Variants in GRM4 observed in about 807,000 individuals in gnomAD.
GRM4 encodes glutamate metabotropic receptor 4, also known as metabotropic glutamate receptor 4.
In GRM4, 28 loss-of-function variants were observed where a neutral mutation model predicts 81.7. The ratio of observed to expected loss-of-function variants is 0.34; its 90% CI spans 0.25 to 0.47. The LOEUF is 0.47. Among genes scored for constraint, GRM4 ranks in the 20% least tolerant of loss-of-function variants. The pLI, the probability that GRM4 is intolerant of heterozygous loss-of-function variation, is 1.00. For missense variants in GRM4, 948 were observed against 1,290.0 expected, an observed-to-expected ratio of 0.73 and a Z score of 4.06; for synonymous variants, 488 against 528.8, an observed-to-expected ratio of 0.92 and a Z score of 1.06.
intron 2 of GRM4, chr6:34,103,654 G>A (rs1174597055): frequency 1.3e-6 from 2 of 1,533,530 alleles, no homozygotes; most frequent in Non-Finnish European, 1.7e-6. Flanking sequence ...AGGAGCCCAG[G>A]CAGGCAGGGC....
At chr6:34,101,255 T>TG (rs978110632) in intron 2 of GRM4, among the ~76,000 whole-genome samples, 37 of 152,326 alleles carry the variant, frequency 2.4e-4, no homozygotes, top group Admixed American at 1.6e-3. Context: ...AGTAGCTTCA[T>TG]GCACCTTAAC....
chr6:34,055,577 G>A (rs1043659794), intron 6 of GRM4: 1 of 152,208 alleles, frequency 6.6e-6, no homozygotes, highest in Non-Finnish European at 1.5e-5. Context: ...CATCATCCTC[G>A]ATTAGGCACC....
chr6:34,044,275 CAT>C (rs1562020729), intron 6 of GRM4, among the ~76,000 whole-genome samples: 1 of 151,022 alleles, frequency 6.6e-6, no homozygotes. Context: ...CACATATACA[CAT>C]ACACACACAC....
rs531670289 is a variant in GRM4, at chr6:34,090,402, G to A, written c.736+1481C>T. ...TGGGAGGTGCTGTCCAGAGGTAGGT[G>A]CCCAGGTCTTGGGTCTGAGCAAAGG... On this transcript the variant is annotated intron_variant, in intron 3 of 10. Transcript: ENST00000538487. The surrounding 1 kb of genome is among the most constrained non-coding windows in gnomAD (Gnocchi z 5.2). Among the ~76,000 whole-genome samples, 2 of 152,296 alleles carry A rather than the reference G, an allele frequency of 1.3e-5. No homozygotes were observed. The highest frequency in any genetic ancestry group is 2.4e-5 in the African/African-American group (1 of 41,572).
chr6:34,120,444 T>C (rs888884105), intron 2 of GRM4, among the ~76,000 whole-genome samples: 1 of 152,176 alleles, frequency 6.6e-6, no homozygotes, highest in Admixed American at 6.5e-5. Context: ...ACTTTCCTAA[T>C]TGATTTTGTG....
chr6:34,093,622 C>A (rs1480093511), intron 2 of GRM4, among the ~76,000 whole-genome samples: 1 of 152,096 alleles, frequency 6.6e-6, no homozygotes, highest in African/African-American at 2.4e-5. Flanking sequence ...GTGGCTGGAG[C>A]AGAGCAGGAT....
chr6:34,084,769 C>T (rs1767800524), intron 3 of GRM4, among the ~76,000 whole-genome samples: 1 of 152,226 alleles, frequency 6.6e-6, no homozygotes, highest in South Asian at 2.1e-4. Flanking sequence ...TTCACACCTC[C>T]AGGCTTTTGT....
chr6:34,064,083 G>C lies in GRM4; in HGVS notation c.737-2055C>G, dbSNP rs993391191. ...CGTTTTGCTGGTGAAGGAAGGATTAGGTGACCACGGCTCAGTCAGCGGGAG... is the reference window on the plus strand; with the variant it reads ...CGTTTTGCTGGTGAAGGAAGGATTACGTGACCACGGCTCAGTCAGCGGGAG... On this transcript the variant is annotated intron_variant, in intron 3 of 10. Transcript: ENST00000538487. The surrounding 1 kb of genome is among the most constrained non-coding windows in gnomAD (Gnocchi z 4.4). Among the ~76,000 whole-genome samples, 2 of 152,176 alleles carry C rather than the reference G, an allele frequency of 1.3e-5. No individual in the cohort carries two copies. Among genetic ancestry groups the C allele is most frequent in the African/African-American group, 4.8e-5 (2 of 41,434 alleles).
intron 1 of GRM4, among the ~76,000 whole-genome samples, chr6:34,143,174 A>C (rs969552476): frequency 5.3e-5 from 8 of 152,096 alleles, no homozygotes; most frequent in Non-Finnish European, 1.0e-4. Context: ...AGGTAGGCAA[A>C]AGCTTATGTG....
chr6:34,029,498 C>T (rs573730219), intron 9 of GRM4, among the ~76,000 whole-genome samples: 8 of 152,318 alleles, frequency 5.3e-5, no homozygotes, highest in African/African-American at 1.7e-4. Context: ...GTCCCTTGCA[C>T]GCCGCTCCAT....
chr6:34,068,097 G>T lies in GRM4; in HGVS notation c.737-6069C>A, dbSNP rs767212146. Among the ~76,000 whole-genome samples the T allele has an allele frequency of 1.3e-5, 2 of 152,212 alleles. No homozygotes were observed. The highest frequency in any genetic ancestry group is 2.9e-5 in the Non-Finnish European group (2 of 68,044). On this transcript the variant is annotated intron_variant, in intron 3 of 10. Transcript: ENST00000538487. The surrounding 1 kb of genome is among the most constrained non-coding windows in gnomAD (Gnocchi z 4.2). Reference sequence around the variant, plus strand: ...CTGCGTCCCAGGGTGGGAAGGAACCGTAAACATCCTGGAATCGGTGCAGAG... The same window carrying T: ...CTGCGTCCCAGGGTGGGAAGGAACCTTAAACATCCTGGAATCGGTGCAGAG...
rs190834739 is a variant in GRM4, at chr6:34,104,396, C to T, written c.520-12297G>A. Reference sequence around the variant, plus strand: ...AACAGGACTGGTGGCTGTTGGCTAACGAGCACCTACTCTGTGCCAAGCACT... The same window carrying T: ...AACAGGACTGGTGGCTGTTGGCTAATGAGCACCTACTCTGTGCCAAGCACT... On this transcript the variant is annotated intron_variant, in intron 2 of 10. Coordinates refer to ENST00000538487, the MANE Select transcript of GRM4 (RefSeq NM_000841.4). Among the ~76,000 whole-genome samples the T allele has an allele frequency of 1.5e-4, 23 of 152,338 alleles. No homozygotes were observed. The East Asian group carries it at 1.9e-3, about 13-fold the overall frequency.
chr6:34,155,360 A>T (rs753171471), exon 1 of GRM4: 26 of 1,511,002 alleles, frequency 1.7e-5, no homozygotes, highest in Non-Finnish European at 2.2e-5. Context: ...CAGCCGCAGG[A>T]AGCTGCAACT....
chr6:34,047,541 C>G lies in GRM4; in HGVS notation c.1169-6793G>C, dbSNP rs566776728. Reference sequence around the variant, plus strand: ...ACACGCTTGCTTTTCAGCCCTATACCGCAGTTTTGCCGGCCCCCTCCTCTC... The same window carrying G: ...ACACGCTTGCTTTTCAGCCCTATACGGCAGTTTTGCCGGCCCCCTCCTCTC... On this transcript the variant is annotated intron_variant, in intron 6 of 10. Coordinates refer to ENST00000538487, the MANE Select transcript of GRM4 (RefSeq NM_000841.4). The surrounding 1 kb of genome is among the most constrained non-coding windows in gnomAD (Gnocchi z 4.5). Among the ~76,000 whole-genome samples, 1 of 152,126 alleles carries G rather than the reference C, an allele frequency of 6.6e-6. No individual in the cohort carries two copies. The highest frequency in any genetic ancestry group is 6.5e-5 in the Admixed American group (1 of 15,274).
At position 34,067,720 on chromosome 6, in the gene GRM4, T is replaced by C. The variant is rs1032118212; in HGVS notation, c.737-5692A>G. Among the ~76,000 whole-genome samples, 35 of 152,002 alleles carry C rather than the reference T, an allele frequency of 2.3e-4. 1 individual carries two copies. The East Asian group carries it at 6.0e-3, about 26-fold the overall frequency. The stretch of plus-strand genomic sequence containing the variant: ...AGACTCCTTCCTCAGGAGCTCTCAG[T>C]CTAGCTGGGGAAGCAAGACCAGAAG... On this transcript the variant is annotated intron_variant, in intron 3 of 10. Coordinates refer to ENST00000538487, the MANE Select transcript of GRM4 (RefSeq NM_000841.4).
chr6:34,089,960 A>C lies in GRM4; in HGVS notation c.736+1923T>G, dbSNP rs537833549. ...GAAGACAGAGAAGACAAGAGTACAG[A>C]AACAGATGAGACCTCTAGTTCCGGA... On this transcript the variant is annotated intron_variant, in intron 3 of 10. Coordinates refer to ENST00000538487, the MANE Select transcript of GRM4 (RefSeq NM_000841.4). This position sits in a 1 kb window ranked among gnomAD's most constrained non-coding sequence, Gnocchi z 4.3. Among the ~76,000 whole-genome samples the C allele has an allele frequency of 2.0e-5, 3 of 152,208 alleles. No homozygotes were observed. Among genetic ancestry groups the C allele is most frequent in the Admixed American group, 6.5e-5 (1 of 15,286 alleles).
At chr6:34,043,559 G>A (rs938932906) in intron 6 of GRM4, among the ~76,000 whole-genome samples, 5 of 152,144 alleles carry the variant, frequency 3.3e-5, no homozygotes, top group Admixed American at 6.5e-5. Flanking sequence ...GGCTACGGCC[G>A]CTGCAGAGAG....
intron 4 of GRM4, 31 bp downstream of exon 4, chr6:34,061,862 C>T (rs752426455): frequency 6.9e-6 from 11 of 1,596,660 alleles, no homozygotes; most frequent in South Asian, 1.1e-5. Context: ...GCATGGCTCC[C>T]GGTGCCCACC....
chr6:34,133,971 G>A lies in GRM4; in HGVS notation c.-363-112C>T, dbSNP rs1165401839. 11 of 373,208 alleles carry A rather than the reference G, an allele frequency of 2.9e-5. No homozygotes were observed. Among genetic ancestry groups the A allele is most frequent in the African/African-American group, 1.3e-4 (6 of 45,432 alleles). The allele number at this position is 373,208 out of a possible 1,614,324, so 23.1% of individuals were successfully genotyped here. ...GAAGGAGATGCTAGAGGTTATCGCCGAAGATTCCATAAATCTCCTGAACTT... is the reference window on the plus strand; with the variant it reads ...GAAGGAGATGCTAGAGGTTATCGCCAAAGATTCCATAAATCTCCTGAACTT... On this transcript the variant is annotated intron_variant, in intron 1 of 10. Transcript: ENST00000538487. The surrounding 1 kb of genome is among the most constrained non-coding windows in gnomAD (Gnocchi z 6.5).
Sources: gnomAD v4.1 joint callset for allele counts (sites outside exome capture counted in the v4.1 genomes callset) on GRCh38, gnomAD v4.1.1 for gene constraint, Gnocchi (gnomAD v3.1) non-coding constraint, MANE v1.5 for transcripts, NCBI Gene and HGNC (gene_info 2026-07-23, HGNC 2026-07-21) for gene names.